The following PHEX variants were observed in gnomAD, a reference collection of about 807,000 sequenced individuals.
The protein encoded by PHEX is phosphate regulating endopeptidase X-linked, also known as phosphate-regulating neutral endopeptidase PHEX.
In PHEX, 16 loss-of-function variants were observed where a neutral mutation model predicts 68.0. The ratio of observed to expected loss-of-function variants is 0.24; its 90% CI spans 0.16 to 0.36. The LOEUF (loss-of-function observed/expected upper bound fraction) is 0.36. Ranked by LOEUF, PHEX falls within the 10% of genes least tolerant of loss-of-function variation. PHEX has a pLI of 1.00. For missense variants in PHEX, 480 were observed against 575.5 expected, an observed-to-expected ratio of 0.83 and a Z score of 1.70; for synonymous variants, 208 against 205.1, an observed-to-expected ratio of 1.01 and a Z score of -0.12.
At chrX:22,071,963 A>G (rs1166685639) in intron 3 of PHEX, among the ~76,000 whole-genome samples, 1 of 111,816 alleles carries the variant, frequency 8.9e-6, no homozygotes, top group Admixed American at 9.4e-5. Flanking sequence ...GCGGTGGCTC[A>G]TGCCTGTAAT....
intron 3 of PHEX, among the ~76,000 whole-genome samples, chrX:22,071,052 C>T (rs1569378429): frequency 8.9e-6 from 1 of 111,933 alleles, no homozygotes; most frequent in Non-Finnish European, 1.9e-5. Flanking sequence ...TCAAGGGCCT[C>T]ATCCTTCCTT....
At chrX:22,148,754 G>T (rs1259098046) in intron 12 of PHEX, among the ~76,000 whole-genome samples, 2 of 111,198 alleles carry the variant, frequency 1.8e-5, no homozygotes, top group Non-Finnish European at 3.8e-5. Flanking sequence ...TCTGTGTTTT[G>T]CTTACTTAGC....
intron 11 of PHEX, among the ~76,000 whole-genome samples, chrX:22,126,118 A>G (rs1008604852): frequency 1.8e-5 from 2 of 112,304 alleles, no homozygotes; most frequent in African/African-American, 6.5e-5. Flanking sequence ...CACATGAGAT[A>G]TGAAATCATA....
At chrX:22,077,041 G>A (rs1929181641) in intron 4 of PHEX, among the ~76,000 whole-genome samples, 1 of 112,164 alleles carries the variant, frequency 8.9e-6, no homozygotes, top group Admixed American at 9.5e-5. Context: ...AGGATTTGGG[G>A]TATCATGTGG....
chrX:22,103,573 A>T lies in PHEX; in HGVS notation c.1079+4422A>T, dbSNP rs1930526024. 3.6e-5 allele frequency among the ~76,000 whole-genome samples: 4 copies of T among 111,465 alleles called. No individual in the cohort carries two copies. In the South Asian group the frequency reaches 1.5e-3, roughly 42 times the overall value. ...TGCGATATATGTTTTTCCATTCCTG[A>T]GTTACTTCACTTAGAATAATCATCT... On this transcript the variant is annotated intron_variant, in intron 9 of 21. Transcript: ENST00000379374.
intron 16 of PHEX, among the ~76,000 whole-genome samples, chrX:22,215,611 A>G (rs1470891754): frequency 1.8e-5 from 2 of 111,406 alleles, no homozygotes; most frequent in African/African-American, 6.5e-5. Context: ...GTTTTGGGGA[A>G]TCATAATAAT....
chrX:22,095,973 T>A (rs1930117498), intron 7 of PHEX, among the ~76,000 whole-genome samples: 1 of 111,001 alleles, frequency 9.0e-6, no homozygotes, highest in Admixed American at 9.6e-5. Context: ...ATTGATGGAG[T>A]AGCCCTTGTG....
At chrX:22,109,030 A>G (rs926840344) in intron 9 of PHEX, among the ~76,000 whole-genome samples, 1 of 111,708 alleles carries the variant, frequency 9.0e-6, no homozygotes, top group African/African-American at 3.3e-5. Context: ...TACTACTTAC[A>G]AAGTAGACAA....
chrX:22,073,510 T>A (rs1929000368), intron 3 of PHEX, among the ~76,000 whole-genome samples: 1 of 111,042 alleles, frequency 9.0e-6, no homozygotes, highest in African/African-American at 3.3e-5. Flanking sequence ...ATGTTGCCTT[T>A]AAAAAAAAGT....
intron 12 of PHEX, among the ~76,000 whole-genome samples, chrX:22,146,059 G>C (rs897759829): frequency 1.2e-4 from 14 of 112,272 alleles, no homozygotes; most frequent in African/African-American, 4.2e-4. Context: ...TCTTCCTTTA[G>C]TGAATTTTGA....
chrX:22,111,224 T>A (rs1930949351), intron 9 of PHEX, among the ~76,000 whole-genome samples: 1 of 112,528 alleles, frequency 8.9e-6, no homozygotes, highest in Admixed American at 9.4e-5. Flanking sequence ...ATGTTCACTC[T>A]GAGGGCTGGA....
chrX:22,163,259 ATC>A (rs1933197885), intron 12 of PHEX: 1 of 111,846 alleles, frequency 8.9e-6, no homozygotes, highest in African/African-American at 3.3e-5. Flanking sequence ...ATTGGCCCGA[ATC>A]TCATCCTGTA....
chrX:22,150,421 G>A (rs772550669), intron 12 of PHEX, among the ~76,000 whole-genome samples: 1 of 111,992 alleles, frequency 8.9e-6, no homozygotes, highest in Non-Finnish European at 1.9e-5. Context: ...AGGCCTGAGA[G>A]TAAATATATT....
chrX:22,057,850 A>G (rs1050603416), intron 3 of PHEX, among the ~76,000 whole-genome samples: 2 of 111,683 alleles, frequency 1.8e-5, no homozygotes, highest in African/African-American at 6.5e-5. Flanking sequence ...AAAGAAAGGA[A>G]GAAAAGAATG....
intron 3 of PHEX, among the ~76,000 whole-genome samples, chrX:22,047,463 A>G (rs1280513573): frequency 1.8e-5 from 2 of 112,408 alleles, no homozygotes; most frequent in Non-Finnish European, 3.8e-5. Flanking sequence ...AAGGATAAAG[A>G]GCATTTGATT....
At chrX:22,062,990 A>G (rs1180175990) in intron 3 of PHEX, among the ~76,000 whole-genome samples, 7 of 111,087 alleles carry the variant, frequency 6.3e-5, no homozygotes, top group African/African-American at 2.3e-4. Flanking sequence ...CGAACCCCTG[A>G]CCTCAAGTGA....
intron 9 of PHEX, among the ~76,000 whole-genome samples, chrX:22,110,875 G>T (rs1029986156): frequency 8.9e-6 from 1 of 112,128 alleles, no homozygotes; most frequent in African/African-American, 3.2e-5. Flanking sequence ...TCCAGCCCTG[G>T]CTAGGATGCC....
intron 20 of PHEX, among the ~76,000 whole-genome samples, chrX:22,238,588 G>A (rs778833445): frequency 9.3e-4 from 104 of 111,513 alleles, no homozygotes; most frequent in African/African-American, 3.2e-3. Flanking sequence ...GTTGGGAGGG[G>A]CATCCGCCAT....
At chrX:22,219,610 G>GATT (rs759048384) in intron 17 of PHEX, among the ~76,000 whole-genome samples, 3,097 of 99,998 alleles carry the variant, frequency 0.031, 102 homozygotes, top group African/African-American at 0.11. Flanking sequence ...CTTATATTCT[G>GATT]ATTATTATTA....
Sources: gnomAD v4.1 joint callset for allele counts (sites outside exome capture counted in the v4.1 genomes callset) on GRCh38, gnomAD v4.1.1 for gene constraint, MANE v1.5 for transcripts, NCBI Gene and HGNC (gene_info 2026-07-23, HGNC 2026-07-21) for gene names.